Variants in CFAP299 observed in about 807,000 individuals in gnomAD.
CFAP299 encodes cilia- and flagella-associated protein 299.
In CFAP299, 21 loss-of-function variants were observed where a neutral mutation model predicts 27.0. The ratio of observed to expected loss-of-function variants is 0.78; its 90% CI spans 0.55 to 1.12. The LOEUF is 1.12. Ranked by LOEUF, CFAP299 falls within the 50% of genes most tolerant of loss-of-function variation. The pLI is 0.00. For synonymous variants in CFAP299, 104 were observed against 98.1 expected, an observed-to-expected ratio of 1.06 and a Z score of -0.36; for missense variants, 310 against 276.6, an observed-to-expected ratio of 1.12 and a Z score of -0.86.
At chr4:80,665,774 G>T (rs1741115846) in intron 3 of CFAP299, among the ~76,000 whole-genome samples, 1 of 152,126 alleles carries the variant, frequency 6.6e-6, no homozygotes, top group African/African-American at 2.4e-5. Context: ...TAGATTGTGG[G>T]AGTAGATTTT....
chr4:80,660,894 T>G (rs1191452180), intron 3 of CFAP299, among the ~76,000 whole-genome samples: 1 of 152,146 alleles, frequency 6.6e-6, no homozygotes, highest in Non-Finnish European at 1.5e-5. Context: ...AAAAAATGTC[T>G]GGATCAATCT....
At position 80,677,146 on chromosome 4, in the gene CFAP299, C is replaced by T. The variant is rs191258688; in HGVS notation, c.333+93963C>T. Among the ~76,000 whole-genome samples the T allele has an allele frequency of 5.0e-3, 767 of 151,928 alleles. 4 individuals are homozygous for T. Among genetic ancestry groups the T allele is most frequent in the Middle Eastern group, 0.02 (6 of 294 alleles). ...CCCATAGATTTGGTATGTTGTATTT[C>T]CATTTTTCATTAGTTTCAAGAATAT... On this transcript the variant is annotated intron_variant, in intron 3 of 5. Transcript: ENST00000358105.
At chr4:80,533,896 C>G (rs1733595814) in intron 2 of CFAP299, among the ~76,000 whole-genome samples, 1 of 151,908 alleles carries the variant, frequency 6.6e-6, no homozygotes, top group Non-Finnish European at 1.5e-5. Flanking sequence ...ATCTGGATCT[C>G]TTATGTAAGA....
chr4:80,541,669 A>G (rs1474103453), intron 2 of CFAP299, among the ~76,000 whole-genome samples: 1 of 152,228 alleles, frequency 6.6e-6, no homozygotes, highest in African/African-American at 2.4e-5. Flanking sequence ...GTTCACAAAC[A>G]TTCACTTTGC....
At chr4:80,410,325 C>T (rs996899240) in intron 2 of CFAP299, among the ~76,000 whole-genome samples, 2 of 152,104 alleles carry the variant, frequency 1.3e-5, no homozygotes, top group Non-Finnish European at 2.9e-5. Context: ...TAGCCATTGC[C>T]TTGGATGATT....
the CFAP299 span, among the ~76,000 whole-genome samples, chr4:80,329,550 A>G: frequency 2.4e-3 from 363 of 152,258 alleles, 3 homozygotes; most frequent in East Asian, 2.1e-3. Flanking sequence ...GATGGATCAA[A>G]ACATTTTTAT....
At chr4:80,327,291 T>G in the CFAP299 span, among the ~76,000 whole-genome samples, 2 of 152,010 alleles carry the variant, frequency 1.3e-5, no homozygotes, top group African/African-American at 4.8e-5. Flanking sequence ...GCATAATAGA[T>G]TCTGGGAAGA....
chr4:80,814,113 C>T (rs1025263916), intron 3 of CFAP299, among the ~76,000 whole-genome samples: 1 of 150,194 alleles, frequency 6.7e-6, no homozygotes, highest in Non-Finnish European at 1.5e-5. Flanking sequence ...TTCTTATGTC[C>T]TCCATCATTA....
intron 3 of CFAP299, among the ~76,000 whole-genome samples, chr4:80,858,243 C>T (rs374591690): frequency 6.6e-6 from 1 of 151,968 alleles, no homozygotes; most frequent in South Asian, 2.1e-4. Context: ...TCTGTGGGAT[C>T]GGTGGTGATA....
chr4:80,576,991 G>A (rs1735899808), intron 2 of CFAP299, among the ~76,000 whole-genome samples: 1 of 152,104 alleles, frequency 6.6e-6, no homozygotes, highest in Non-Finnish European at 1.5e-5. Flanking sequence ...TACTCCCAGG[G>A]GAACCCCCAG....
chr4:80,630,072 A>G (rs995973470), intron 3 of CFAP299, among the ~76,000 whole-genome samples: 1 of 152,106 alleles, frequency 6.6e-6, no homozygotes, highest in African/African-American at 2.4e-5. Context: ...TTTTACCCAG[A>G]ATGCAGCAAA....
At chr4:80,453,169 G>A in intron 2 of CFAP299, among the ~76,000 whole-genome samples, 1 of 152,200 alleles carries the variant, frequency 6.6e-6, no homozygotes, top group East Asian at 1.9e-4. Context: ...GGGCTGTCAA[G>A]TAAGCAGTGA....
intron 3 of CFAP299, among the ~76,000 whole-genome samples, chr4:80,841,637 CT>C (rs1730867354): frequency 6.6e-6 from 1 of 152,026 alleles, no homozygotes; most frequent in Non-Finnish European, 1.5e-5. Context: ...CCCCAGATAA[CT>C]AAAACCTGTG....
At chr4:80,926,792 A>G (rs554114507) in intron 4 of CFAP299, among the ~76,000 whole-genome samples, 28 of 152,234 alleles carry the variant, frequency 1.8e-4, no homozygotes, top group African/African-American at 6.5e-4. Flanking sequence ...TGATATAGGA[A>G]TTTATGGAGC....
chr4:80,426,882 T>G (rs529154709), intron 2 of CFAP299, among the ~76,000 whole-genome samples: 1 of 152,286 alleles, frequency 6.6e-6, no homozygotes, highest in East Asian at 1.9e-4. Flanking sequence ...AAGAAAAAAC[T>G]TTTTGTGTGT....
chr4:80,397,602 T>C (rs928332190), intron 2 of CFAP299, among the ~76,000 whole-genome samples: 6 of 152,072 alleles, frequency 3.9e-5, no homozygotes, highest in African/African-American at 9.7e-5. Context: ...ATTATCTCAA[T>C]AGATGCAGAA....
rs571237735 is a variant in CFAP299 at position 80,909,992 on chromosome 4, G to A, written c.477-34818G>A. 2.4e-4 allele frequency among the ~76,000 whole-genome samples: 36 copies of A among 152,082 alleles called. 1 individual carries two copies. The highest frequency in any genetic ancestry group is 7.0e-4 in the African/African-American group (29 of 41,510). On this transcript the variant is annotated intron_variant, in intron 4 of 5. Coordinates refer to ENST00000358105, the MANE Select transcript of CFAP299 (RefSeq NM_152770.3). ...GAATTAACTCATGCTTTAAAAATCC[G>A]CACATTGAAATTTATATCTAAATTC... is the stretch of plus-strand genomic sequence containing the variant.
At chr4:80,530,627 A>G (rs1443575725) in intron 2 of CFAP299, among the ~76,000 whole-genome samples, 1 of 152,182 alleles carries the variant, frequency 6.6e-6, no homozygotes, top group Non-Finnish European at 1.5e-5. Flanking sequence ...TGTAGAGGGG[A>G]AGGAGACAAG....
intron 2 of CFAP299, chr4:80,386,376 G>A (rs1724993448): frequency 2.7e-6 from 4 of 1,508,006 alleles, no homozygotes; most frequent in African/African-American, 1.4e-5. Context: ...CGGCTTGCCC[G>A]GGACGGCCTC....
Sources: allele counts gnomAD v4.1 joint callset (sites outside exome capture counted in the v4.1 genomes callset), GRCh38; gene constraint gnomAD v4.1.1; transcripts MANE v1.5; gene names NCBI Gene and HGNC (gene_info 2026-07-23, HGNC 2026-07-21).